The following SYCP2 variants were observed in gnomAD, a reference collection of about 807,000 sequenced individuals.
SYCP2 encodes the protein synaptonemal complex lateral element protein.
In SYCP2, 55 loss-of-function variants were observed where a neutral mutation model predicts 211.3. The observed-to-expected ratio is 0.26, with a 90% CI of 0.21 to 0.33. The LOEUF is 0.33. Ranked by LOEUF, SYCP2 falls within the 10% of genes least tolerant of loss-of-function variation. The pLI, the probability that SYCP2 is intolerant of heterozygous loss-of-function variation, is 1.00. For missense variants in SYCP2, 1,731 were observed against 1,752.0 expected, an observed-to-expected ratio of 0.99 and a Z score of 0.21; for synonymous variants, 570 against 555.2, an observed-to-expected ratio of 1.03 and a Z score of -0.37.
rs1426771102 is a variant in SYCP2 at position 59,917,058 on chromosome 20, T to C, written c.428-487A>G. 2.6e-4 allele frequency among the ~76,000 whole-genome samples: 40 copies of C among 152,142 alleles called. 1 individual carries two copies. Among genetic ancestry groups the C allele is most frequent in the Admixed American group, 2.6e-3 (40 of 15,266 alleles). The stretch of plus-strand genomic sequence containing the variant: ...CTTGCAAAAAACACCACTCAACAAA[T>C]GTGACTGATTTTAATACTGTCAAGG... On this transcript the variant is annotated intron_variant, in intron 7 of 44. Transcript: ENST00000357552.
intron 33 of SYCP2, among the ~76,000 whole-genome samples, chr20:59,876,411 A>AAAAAAAT (rs71183188): frequency 7.2e-6 from 1 of 139,586 alleles, no homozygotes; most frequent in African/African-American, 2.6e-5. Flanking sequence ...AAAAAAAAAA[A>AAAAAAAT]GAAGAAGTGA....
At chr20:59,864,412 A>C (rs1336932238) in intron 44 of SYCP2, 24 bp from the exon 45 acceptor site, 2 of 1,491,288 alleles carry the variant, frequency 1.3e-6, no homozygotes, top group African/African-American at 1.4e-5. Flanking sequence ...AAAAAAAATC[A>C]CACTTAGATT....
chr20:59,880,866 C>A, intron 30 of SYCP2, 100 bp downstream of exon 30: 1 of 586,736 alleles, frequency 1.7e-6, no homozygotes, highest in African/African-American at 1.9e-5. Context: ...ATAAATAAAA[C>A]AATCAAAATG....
chr20:59,910,480 A>G (rs1440858576), intron 14 of SYCP2, among the ~76,000 whole-genome samples: 2 of 137,442 alleles, frequency 1.5e-5, no homozygotes, highest in African/African-American at 5.7e-5. Context: ...TCCTGGGTTC[A>G]CGCCATTCTC....
In SYCP2 at chr20:59,882,071, A is replaced by G; in HGVS notation, c.2600+24T>C. 3.7e-6 allele frequency: 6 copies of G among 1,609,732 alleles called. No homozygotes were observed. The South Asian group carries it at 6.6e-5, about 18-fold the overall frequency. Reference sequence around the variant, plus strand: ...AGTCTCTTCAAATATGAAGAAAATGAAAAATATTACAAAAAATACTTACAC... The same window carrying G: ...AGTCTCTTCAAATATGAAGAAAATGGAAAATATTACAAAAAATACTTACAC... On this transcript the variant is annotated intron_variant, in intron 27 of 44. Transcript: ENST00000357552.
intron 24 of SYCP2, among the ~76,000 whole-genome samples, chr20:59,890,946 A>G (rs2059895027): frequency 6.6e-6 from 1 of 151,976 alleles, no homozygotes; most frequent in Non-Finnish European, 1.5e-5. Flanking sequence ...GGACCCAAGA[A>G]AAAAAGGGAC....
rs772860793 is a variant in SYCP2 at position 59,892,245 on chromosome 20, T to C, written c.2109A>G (p.Ser703=). The C allele has an allele frequency of 7.4e-6, 12 of 1,612,938 alleles. No homozygotes were observed. The highest frequency in any genetic ancestry group is 2.2e-5 in the South Asian group (2 of 91,032). The change falls in exon 24 of 45, where the codon TCA becomes TCG. Residue 703 remains serine (S), a synonymous_variant. Coordinates refer to ENST00000357552, the MANE Select transcript of SYCP2 (RefSeq NM_014258.4). The part of the protein sequence containing the change: ...HNQQQNHPKY[S]GQKNTENAKQ... ...TGGCATTTTCAGTATTTTTCTGCCCTGAATATTTAGGATGATTTTGTTGCT... is the reference window on the plus strand; with the variant it reads ...TGGCATTTTCAGTATTTTTCTGCCCCGAATATTTAGGATGATTTTGTTGCT...
At chr20:59,900,517 T>A (rs923883268) in intron 17 of SYCP2, among the ~76,000 whole-genome samples, 26 of 152,256 alleles carry the variant, frequency 1.7e-4, no homozygotes, top group Middle Eastern at 3.4e-3. Flanking sequence ...ACTGCTTTTT[T>A]AAAGTTTTAA....
intron 28 of SYCP2, 97 bp downstream of exon 28, chr20:59,881,848 A>G (rs930465035): frequency 1.6e-5 from 14 of 896,782 alleles, no homozygotes; most frequent in Non-Finnish European, 2.1e-5. Context: ...TTTAAAGCAT[A>G]TGAGGATGCA....
At position 59,893,163 on chromosome 20, in the gene SYCP2, G is replaced by A. The variant is rs146629536; in HGVS notation, c.1772C>T (p.Ala591Val). Residue 591 changes from alanine to valine, a missense_variant, in exon 22 of 45, where the codon GCG (alanine) becomes GTG (valine). Around this residue, in one of 3 missense-constraint regions of SYCP2, gnomAD observed 1,387 missense variants for 1,351.3 expected, o/e 1.03. Transcript: ENST00000357552. The stretch of plus-strand genomic sequence containing the variant: ...TTACATAGTATGATCTCTTTTTTCC[G>A]CTGCCTGTGAATCTGGTATAACATC... The part of the protein sequence containing the change: ...LQDVIPDSQA[A>V]EKRDHTILPG... The A allele has an allele frequency of 1.6e-5, 25 of 1,600,518 alleles. No individual in the cohort carries two copies. Among genetic ancestry groups the A allele is most frequent in the Admixed American group, 3.4e-5 (2 of 59,230 alleles).
chr20:59,915,998 TAAA>T (rs1241423102), intron 8 of SYCP2, among the ~76,000 whole-genome samples: 1 of 151,786 alleles, frequency 6.6e-6, no homozygotes, highest in Non-Finnish European at 1.5e-5. Context: ...CTCAAAAAAA[TAAA>T]AATAATAAAG....
Position 59,868,909 on chromosome 20 carries a change from G to A in SYCP2, c.3758C>T (p.Ser1253Phe), listed in dbSNP as rs1029248381. 1.2e-6 allele frequency: 2 copies of A among 1,606,168 alleles called. No individual in the cohort carries two copies. The highest frequency in any genetic ancestry group is 1.7e-6 in the Non-Finnish European group (2 of 1,176,196). The change falls in exon 37 of 45, where the codon TCT becomes TTT. Residue 1253 changes from serine (S) to phenylalanine (F), a missense_variant. Ser to Phe is a radical substitution (Grantham distance 155). Transcript: ENST00000357552. ...QSKREESHLA[S>F]SLSKSSEGRE... ...TCCTTCACTAGACTTGGATAATGAA[G>A]ATGCTAAATGACTTTCCTAAAATAC...
At chr20:59,909,068 A>G (rs2060267643) in intron 14 of SYCP2, among the ~76,000 whole-genome samples, 1 of 152,154 alleles carries the variant, frequency 6.6e-6, no homozygotes, top group African/African-American at 2.4e-5. Context: ...TTCCTCTCAT[A>G]AAACCTCCTT....
At chr20:59,888,101 A>C (rs1395063616) in intron 24 of SYCP2, among the ~76,000 whole-genome samples, 1 of 152,056 alleles carries the variant, frequency 6.6e-6, no homozygotes, top group East Asian at 1.9e-4. Context: ...AATTATGCCA[A>C]TTCTCCACAA....
At chr20:59,925,872 T>G (rs571878740) in intron 2 of SYCP2, among the ~76,000 whole-genome samples, 19 of 152,164 alleles carry the variant, frequency 1.2e-4, no homozygotes, top group African/African-American at 4.6e-4. Flanking sequence ...TTCATTTAGA[T>G]GAAGTGAAGC....
chr20:59,920,832 A>T (rs1361527838), intron 4 of SYCP2, among the ~76,000 whole-genome samples: 2 of 151,612 alleles, frequency 1.3e-5, no homozygotes, highest in Non-Finnish European at 3.0e-5. Context: ...ATTCATAATG[A>T]ATCTCAGATA....
At chr20:59,872,822 C>T (rs2145621919) in intron 35 of SYCP2, among the ~76,000 whole-genome samples, 1 of 152,076 alleles carries the variant, frequency 6.6e-6, no homozygotes, top group African/African-American at 2.4e-5. Context: ...CAGATTTCAC[C>T]ATAATTTAAA....
intron 12 of SYCP2, among the ~76,000 whole-genome samples, chr20:59,913,373 T>C (rs910135963): frequency 6.6e-6 from 1 of 152,142 alleles, no homozygotes; most frequent in African/African-American, 2.4e-5. Context: ...CGTTAATTTC[T>C]TTAGTAAGTA....
chr20:59,876,595 T>G (rs2059566042), intron 33 of SYCP2, among the ~76,000 whole-genome samples: 1 of 151,704 alleles, frequency 6.6e-6, no homozygotes. Context: ...CACTTCCTAG[T>G]TGTGTGACCT....
Sources: gnomAD v4.1 joint callset for allele counts (sites outside exome capture counted in the v4.1 genomes callset) on GRCh38, gnomAD v4.1.1 for gene constraint, gnomAD v4.1.1 regional missense constraint, MANE v1.5 for transcripts, NCBI Gene and HGNC (gene_info 2026-07-23, HGNC 2026-07-21) for gene names.